The following TRMT13 variants were observed in gnomAD, a reference collection of about 807,000 sequenced individuals.
TRMT13 encodes the protein tRNA:m(4)X modification enzyme TRM13 homolog.
TRMT13 carries 45 observed loss-of-function variants against 55.9 expected under a neutral mutation model. That is an observed-to-expected ratio of 0.80 (90% CI 0.63 to 1.03). The LOEUF (loss-of-function observed/expected upper bound fraction) is 1.03, where lower values mean the gene tolerates loss of function less well. TRMT13 is among the 50% of genes least tolerant of loss of function. The pLI is 0.00. For missense variants in TRMT13, 513 were observed against 563.9 expected (o/e 0.91, Z 0.91); for synonymous variants, 183 against 196.3 (o/e 0.93, Z 0.57).
intron 1 of TRMT13, among the ~76,000 whole-genome samples, chr1:100,135,945 A>C (rs1369663071): frequency 1.3e-5 from 2 of 152,180 alleles, no homozygotes; most frequent in Non-Finnish European, 2.9e-5. Flanking sequence ...AAATACTTAC[A>C]TTGTGTTACA....
Position 100,133,188 on chromosome 1 carries a change from C to G in TRMT13, c.20C>G (p.Ser7Trp). The G allele has an allele frequency of 1.2e-6, 2 of 1,614,164 alleles. No homozygotes were observed. Among genetic ancestry groups the G allele is most frequent in the Non-Finnish European group, 1.7e-6 (2 of 1,180,024 alleles). ...AGAATTATGGCGACCTCCGCGACGT[C>G]GCCGCACGCGCCTGGTTTTCCAGCT... is the stretch of plus-strand genomic sequence containing the variant. Reference protein sequence around the residue: MATSATSPHAPGFPAEG... With the variant: MATSATWPHAPGFPAEG... Residue 7 changes from serine to tryptophan, a missense_variant, in exon 1 of 11, where the codon TCG becomes TGG. Around this residue, in one of 3 missense-constraint regions of TRMT13, gnomAD observed 298 missense variants for 290.3 expected, o/e 1.03. Transcript: ENST00000370141.
Position 100,143,145 on chromosome 1 carries a change from A to G in TRMT13, c.678A>G (p.Gly226=). 5 of 1,607,208 alleles carry G rather than the reference A, an allele frequency of 3.1e-6. No individual in the cohort carries two copies. Among genetic ancestry groups the G allele is most frequent in the Non-Finnish European group, 4.3e-6 (5 of 1,175,108 alleles). Residue 226 remains glycine (G), a synonymous_variant, in exon 8 of 11, where the codon GGA becomes GGG. Transcript: ENST00000370141. ...ATGTTCTGTTTGTGCAGGTGGATGG[A>G]AAACACAGAAAGAAAAATTCAGTGT... The part of the protein sequence containing the change: ...EKVTTRFKVD[G]KHRKKNSVFE...
At chr1:100,134,861 AC>A (rs773497042) in intron 1 of TRMT13, among the ~76,000 whole-genome samples, 4 of 152,222 alleles carry the variant, frequency 2.6e-5, no homozygotes, top group Non-Finnish European at 5.9e-5. Context: ...AAGTGGAAAC[AC>A]TTTTATTGAC....
chr1:100,144,819 A>T (rs1190136728), intron 9 of TRMT13, among the ~76,000 whole-genome samples: 1 of 152,234 alleles, frequency 6.6e-6, no homozygotes, highest in Non-Finnish European at 1.5e-5. Context: ...AATGTTAATT[A>T]TTGTTACATC....
intron 1 of TRMT13, among the ~76,000 whole-genome samples, chr1:100,133,522 C>A (rs886864796): frequency 7.2e-5 from 11 of 152,088 alleles, no homozygotes; most frequent in African/African-American, 2.4e-4. Flanking sequence ...CTAAGTAAAG[C>A]GCCAGCAGTG....
chr1:100,140,771 T>C (rs1291374501), intron 6 of TRMT13, 81 bp from the exon 7 acceptor site: 3 of 1,343,524 alleles, frequency 2.2e-6, no homozygotes, highest in African/African-American at 2.9e-5. Flanking sequence ...TACTGCCTTA[T>C]GCAGAAATTA....
chr1:100,150,055 T>C lies in TRMT13; in HGVS notation c.*1235T>C, dbSNP rs1329290166. The stretch of plus-strand genomic sequence containing the variant: ...GCGACCTTGGGCATGCTACCTAATC[T>C]CTTTGTGCCTCAATTTCCTCCTTTT... On this transcript the variant is annotated 3_prime_UTR_variant, in exon 11 of 11. Transcript: ENST00000370141. 6.6e-6 allele frequency: 1 copy of C among 152,288 alleles called. No homozygotes were observed. The highest frequency in any genetic ancestry group is 2.4e-5 in the African/African-American group (1 of 41,442). 9.4% of individuals were successfully genotyped at this position (152,288 alleles called of 1,614,324 possible). A position where few individuals can be genotyped will look rare whatever the true frequency, so the allele number is the denominator to read the frequency against.
intron 3 of TRMT13, among the ~76,000 whole-genome samples, chr1:100,138,119 AATG>A (rs1656121687): frequency 6.6e-6 from 1 of 152,194 alleles, no homozygotes. Context: ...AAAGCGGTGG[AATG>A]ATGAGACGAA....
At chr1:100,147,721 C>G (rs1394200423) in intron 9 of TRMT13, among the ~76,000 whole-genome samples, 173 bp from the exon 10 acceptor site, 1 of 152,088 alleles carries the variant, frequency 6.6e-6, no homozygotes, top group African/African-American at 2.4e-5. Flanking sequence ...GATAGAAGAG[C>G]AAATTTGAAT....
At chr1:100,135,017 C>G (rs1308799382) in intron 1 of TRMT13, among the ~76,000 whole-genome samples, 1 of 152,088 alleles carries the variant, frequency 6.6e-6, no homozygotes, top group Non-Finnish European at 1.5e-5. Context: ...TCGACTGGGA[C>G]TGATTTTGCC....
rs1287256255 is a variant in TRMT13 at position 100,140,459 on chromosome 1, A to G, written c.446A>G (p.Asp149Gly). The G allele has an allele frequency of 6.2e-7, 1 of 1,614,088 alleles. No homozygotes were observed. The highest frequency in any genetic ancestry group is 8.5e-7 in the Non-Finnish European group (1 of 1,179,970). The change falls in exon 6 of 11, where the codon GAT becomes GGT. Residue 149 changes from aspartate (D) to glycine (G), a missense_variant. Physicochemically the swap from Asp to Gly is moderately conservative, Grantham distance 94 (BLOSUM62 -1). This residue lies in a region of TRMT13 where 298 missense variants were observed against 290.3 expected (regional missense o/e 1.03). Transcript: ENST00000370141. Reference protein sequence around the residue: ...DHIMSHPALHDALNDPKNGDS... With the variant: ...DHIMSHPALHGALNDPKNGDS... ...ATTATGTCCCATCCAGCATTACACGATGCACTTAATGACCCTAAAAATGGC... is the reference window on the plus strand; with the variant it reads ...ATTATGTCCCATCCAGCATTACACGGTGCACTTAATGACCCTAAAAATGGC...
rs573679489 is a variant in TRMT13, at chr1:100,145,402, T to C, written c.817+1259T>C. On this transcript the variant is annotated intron_variant, in intron 9 of 10. Coordinates refer to ENST00000370141, the MANE Select transcript of TRMT13 (RefSeq NM_019083.3). The stretch of plus-strand genomic sequence containing the variant: ...TTTGACCTACAGTGGCCATTTCTCA[T>C]GTTCCACATAATTTTTTCCCTTGAT... Among the ~76,000 whole-genome samples the C allele has an allele frequency of 3.9e-5, 6 of 152,350 alleles. No individual in the cohort carries two copies. In the South Asian group the frequency reaches 1.2e-3, roughly 32 times the overall value.
At position 100,140,182 on chromosome 1, in the gene TRMT13, G is replaced by T; in HGVS notation, c.325G>T (p.Val109Phe). The T allele has an allele frequency of 6.2e-7, 1 of 1,603,088 alleles. No individual in the cohort carries two copies. The highest frequency in any genetic ancestry group is 1.3e-5 in the African/African-American group (1 of 74,490). Residue 109 changes from valine (V) to phenylalanine (F), a missense_variant and splice_region_variant, in exon 5 of 11, where the codon GTT becomes TTT. Val to Phe is a conservative substitution (Grantham distance 50). Transcript: ENST00000370141. ...TATTTAGTTTTATTTTTGTATATAG[G>T]TTCCAATTTCTTCTCTATCTGAAGA... ...RDETEIPEQL[V>F]PISSLSEEQL...
chr1:100,140,956 T>C lies in TRMT13; in HGVS notation c.606T>C (p.Ile202=), dbSNP rs756122850. The C allele has an allele frequency of 6.2e-7, 1 of 1,613,842 alleles. No individual in the cohort carries two copies. Among genetic ancestry groups the C allele is most frequent in the South Asian group, 1.1e-5 (1 of 91,072 alleles). The change falls in exon 7 of 11, where the codon ATT becomes ATC. Residue 202 remains isoleucine (I), a synonymous_variant. Coordinates refer to ENST00000370141, the MANE Select transcript of TRMT13 (RefSeq NM_019083.3). The part of the protein sequence containing the change: ...GKGKLSHWVD[I]ALKDAEKVHF... ...GAAAATTATCTCATTGGGTTGATATTGCCTTAAAAGATGCTGAAAAAGTTC... is the reference window on the plus strand; with the variant it reads ...GAAAATTATCTCATTGGGTTGATATCGCCTTAAAAGATGCTGAAAAAGTTC...
Position 100,133,254 on chromosome 1 carries a change from T to C in TRMT13, c.86T>C (p.Phe29Ser). ...TACTATGTGGAAAAGAAGAAACGGTTCTGCAGGATGGTGGTGGCCGCAGGG... is the reference window on the plus strand; with the variant it reads ...TACTATGTGGAAAAGAAGAAACGGTCCTGCAGGATGGTGGTGGCCGCAGGG... The part of the protein sequence containing the change: ...CGYYVEKKKR[F>S]CRMVVAAGKR... The change falls in exon 1 of 11, where the codon TTC (phenylalanine) becomes TCC (serine). Residue 29 changes from phenylalanine (F) to serine (S), a missense_variant. Coordinates refer to ENST00000370141, the MANE Select transcript of TRMT13 (RefSeq NM_019083.3). 1.2e-6 allele frequency: 2 copies of C among 1,614,128 alleles called. No homozygotes were observed. Among genetic ancestry groups the C allele is most frequent in the Non-Finnish European group, 1.7e-6 (2 of 1,179,992 alleles).
intron 10 of TRMT13, 119 bp downstream of exon 10, chr1:100,148,445 A>T: frequency 1.7e-6 from 2 of 1,184,234 alleles, no homozygotes; most frequent in Non-Finnish European, 1.2e-6. Context: ...TTTTAGAATA[A>T]GCTAAAATAT....
Position 100,150,059 on chromosome 1 carries a change from T to A in TRMT13, c.*1239T>A, listed in dbSNP as rs1490728957. 1 of 152,460 alleles carries A rather than the reference T, an allele frequency of 6.6e-6. No individual in the cohort carries two copies. Among genetic ancestry groups the A allele is most frequent in the East Asian group, 1.9e-4 (1 of 5,186 alleles). The allele number at this position is 152,460 out of a possible 1,614,324, so 9.4% of individuals were successfully genotyped here. ...CCTTGGGCATGCTACCTAATCTCTT[T>A]GTGCCTCAATTTCCTCCTTTTAAAA... On this transcript the variant is annotated 3_prime_UTR_variant, in exon 11 of 11. Transcript: ENST00000370141.
chr1:100,136,571 T>C (rs1361561474), intron 1 of TRMT13, among the ~76,000 whole-genome samples: 5 of 152,236 alleles, frequency 3.3e-5, no homozygotes, highest in African/African-American at 7.2e-5. Context: ...TGGTTGTGCA[T>C]AAAATAGTCA....
intron 8 of TRMT13, 76 bp downstream of exon 8, chr1:100,143,285 A>G (rs962182719): frequency 4.5e-6 from 4 of 884,310 alleles, no homozygotes; most frequent in East Asian, 2.6e-5. Flanking sequence ...TAGAAATCCA[A>G]TCATGCAGAA....
Sources: gnomAD v4.1 joint callset for allele counts (sites outside exome capture counted in the v4.1 genomes callset) on GRCh38, gnomAD v4.1.1 for gene constraint, gnomAD v4.1.1 regional missense constraint, MANE v1.5 for transcripts, NCBI Gene and HGNC (gene_info 2026-07-23, HGNC 2026-07-21) for gene names.